The following TIMM21 variants were observed in gnomAD, a reference collection of about 807,000 sequenced individuals.
TIMM21 encodes translocase of inner mitochondrial membrane 21, also known as mitochondrial import inner membrane translocase subunit Tim21.
Under a neutral mutation model 27.7 loss-of-function variants are expected in TIMM21, and 30 were observed. The ratio of observed to expected loss-of-function variants is 1.08; its 90% CI spans 0.81 to 1.47. TIMM21 has a LOEUF of 1.47. TIMM21 is among the 40% of genes most tolerant of loss of function. The pLI is 0.00. For synonymous variants in TIMM21, 121 were observed against 114.4 expected, an observed-to-expected ratio of 1.06 and a Z score of -0.37; for missense variants, 292 against 302.9, an observed-to-expected ratio of 0.96 and a Z score of 0.27.
At chr18:74,155,778 C>T (rs1402771008) in intron 3 of TIMM21, among the ~76,000 whole-genome samples, 2 of 152,180 alleles carry the variant, frequency 1.3e-5, no homozygotes, top group African/African-American at 4.8e-5. Flanking sequence ...GCACTCTGCC[C>T]AGGGTCTCAG....
At chr18:74,153,692 T>C (rs1979871073) in intron 1 of TIMM21, among the ~76,000 whole-genome samples, 1 of 152,234 alleles carries the variant, frequency 6.6e-6, no homozygotes, top group South Asian at 2.1e-4. Flanking sequence ...GTTGGGAACC[T>C]TGCTGAAAAC....
chr18:74,148,995 A>G lies in TIMM21; in HGVS notation c.187A>G (p.Lys63Glu). Residue 63 changes from lysine (K) to glutamate (E), a missense_variant, in exon 1 of 6, where the codon AAA (lysine) becomes GAA (glutamate). Lys to Glu is a moderately conservative substitution (Grantham distance 56). Coordinates refer to ENST00000169551, the MANE Select transcript of TIMM21 (RefSeq NM_014177.3). The part of the protein sequence containing the change: ...RPRCILGVTQ[K>E]TIWTQGPSPR... Reference sequence around the variant, plus strand: ...TAGATGTATTCTTGGAGTCACCCAGAAAACCATCTGGACGCAGGGACCGAG... The same window carrying G: ...TAGATGTATTCTTGGAGTCACCCAGGAAACCATCTGGACGCAGGGACCGAG... The G allele has an allele frequency of 6.2e-7, 1 of 1,614,208 alleles. No individual in the cohort carries two copies. The highest frequency in any genetic ancestry group is 1.3e-5 in the African/African-American group (1 of 75,048).
Position 74,159,579 on chromosome 18 carries a change from C to T in TIMM21, c.*1099C>T, listed in dbSNP as rs1980049959. 6.6e-6 allele frequency: 1 copy of T among 151,992 alleles called. No individual in the cohort carries two copies. Among genetic ancestry groups the T allele is most frequent in the African/African-American group, 2.4e-5 (1 of 41,378 alleles). 9.4% of individuals were successfully genotyped at this position (151,992 alleles called of 1,614,324 possible). On this transcript the variant is annotated 3_prime_UTR_variant, in exon 6 of 6. Transcript: ENST00000169551. ...TCTATCTCCCCTTTTTACTTTATCTCCCTGCTTAATTTAGTTAGTTTCTTG... is the reference window on the plus strand; with the variant it reads ...TCTATCTCCCCTTTTTACTTTATCTTCCTGCTTAATTTAGTTAGTTTCTTG...
In TIMM21 at chr18:74,158,047, T is replaced by A. The variant is rs1413760260; in HGVS notation, c.496T>A (p.Tyr166Asn). 1.2e-6 allele frequency: 2 copies of A among 1,614,020 alleles called. No homozygotes were observed. The highest frequency in any genetic ancestry group is 2.7e-5 in the African/African-American group (2 of 74,912). Residue 166 changes from tyrosine to asparagine, a missense_variant, in exon 4 of 6, where the codon TAT (tyrosine) becomes AAT (asparagine). Physicochemically the swap from Tyr to Asn is moderately radical, Grantham distance 143 (BLOSUM62 -2). Coordinates refer to ENST00000169551, the MANE Select transcript of TIMM21 (RefSeq NM_014177.3). ...IGVFGESVKG[Y>N]GEVTRRGRRQ... The stretch of plus-strand genomic sequence containing the variant: ...TGTCTTTGGTGAGTCTGTTAAAGGC[T>A]ATGGGGAGGTGACAAGGCGGGGTCG...
chr18:74,158,404 G>T lies in TIMM21; in HGVS notation c.671G>T (p.Arg224Leu), dbSNP rs143295538. Residue 224 changes from arginine to leucine, a missense_variant, in exon 6 of 6, where the codon CGA (arginine) becomes CTA (leucine). Coordinates refer to ENST00000169551, the MANE Select transcript of TIMM21 (RefSeq NM_014177.3). ...ENPGSGEYDF[R>L]YIFVEIESYP... ...CCAGGAAGTGGTGAATATGATTTTCGATATATATTTGTAGAAATTGAATCT... is the reference window on the plus strand; with the variant it reads ...CCAGGAAGTGGTGAATATGATTTTCTATATATATTTGTAGAAATTGAATCT... The T allele has an allele frequency of 6.2e-7, 1 of 1,605,798 alleles. No individual in the cohort carries two copies.
chr18:74,154,994 G>T, intron 1 of TIMM21, 151 bp from the exon 2 acceptor site: 1 of 678,610 alleles, frequency 1.5e-6, no homozygotes. Context: ...CTGACACACA[G>T]GGAGTTTTCA....
intron 1 of TIMM21, among the ~76,000 whole-genome samples, chr18:74,153,378 T>G (rs1979863411): frequency 6.6e-6 from 1 of 152,192 alleles, no homozygotes; most frequent in African/African-American, 2.4e-5. Context: ...GAAGGGACAG[T>G]CAGAAGTCCA....
At chr18:74,150,552 C>T (rs1979773286) in intron 1 of TIMM21, among the ~76,000 whole-genome samples, 2 of 152,334 alleles carry the variant, frequency 1.3e-5, no homozygotes, top group South Asian at 4.1e-4. Flanking sequence ...GGATCATAAA[C>T]ATACACTGTT....
Position 74,149,070 on chromosome 18 carries a change from A to C in TIMM21, c.262A>C (p.Ser88Arg). ...CAGCAAACAAGTGTCTGTGCACAGG[A>C]GTCAGAGAGGGGGAACCGCCGTCCC... Reference protein sequence around the residue: ...DGSKQVSVHRSQRGGTAVPTS... With the variant: ...DGSKQVSVHRRQRGGTAVPTS... Residue 88 changes from serine to arginine, a missense_variant, in exon 1 of 6, where the codon AGT (serine) becomes CGT (arginine). Physicochemically the swap from Ser to Arg is moderately radical, Grantham distance 110. Coordinates refer to ENST00000169551, the MANE Select transcript of TIMM21 (RefSeq NM_014177.3). The C allele has an allele frequency of 6.2e-7, 1 of 1,612,292 alleles. No individual in the cohort carries two copies. Among genetic ancestry groups the C allele is most frequent in the Non-Finnish European group, 8.5e-7 (1 of 1,178,662 alleles).
intron 1 of TIMM21, among the ~76,000 whole-genome samples, chr18:74,151,937 T>TCTCCCCCCC (rs1555682293): frequency 2.1e-5 from 2 of 94,276 alleles, no homozygotes; most frequent in African/African-American, 1.2e-4. Context: ...GTGTCTATGT[T>TCTCCCCCCC]CCCCCCCCCC....
At chr18:74,156,229 A>G (rs1599210409) in intron 3 of TIMM21, 1 of 398,590 alleles carries the variant, frequency 2.5e-6, no homozygotes, top group East Asian at 3.6e-5. Flanking sequence ...TATCATCATA[A>G]ATATTAGGGC....
Position 74,158,255 on chromosome 18 carries a change from G to C in TIMM21, c.621G>C (p.Thr207=). 6.2e-7 allele frequency: 1 copy of C among 1,614,182 alleles called. No homozygotes were observed. The highest frequency in any genetic ancestry group is 1.1e-5 in the South Asian group (1 of 91,082). ...IEGSEPGKQG[T]VYAQVKENPG... ...GCTCTGAGCCAGGGAAGCAAGGAACGGTGTATGCGCAAGTGAAAGAGGTGT... is the reference window on the plus strand; with the variant it reads ...GCTCTGAGCCAGGGAAGCAAGGAACCGTGTATGCGCAAGTGAAAGAGGTGT... Residue 207 remains threonine, a synonymous_variant, in exon 5 of 6, where the codon ACG becomes ACC. Transcript: ENST00000169551.
rs1979925380 is a variant in TIMM21 at position 74,155,402 on chromosome 18, A to G, written c.461A>G (p.Glu154Gly). The change falls in exon 3 of 6, where the codon GAG becomes GGG. Residue 154 changes from glutamate (E) to glycine (G), a missense_variant and splice_region_variant. Transcript: ENST00000169551. ...TTAGAAAAATGCAGATCACATCCTG[A>G]GGTTAGTTCTCAAGATTGAGTTACA... is the stretch of plus-strand genomic sequence containing the variant. ...RALEKCRSHP[E>G]VIGVFGESVK... 2.5e-6 allele frequency: 4 copies of G among 1,607,060 alleles called. No individual in the cohort carries two copies. The highest frequency in any genetic ancestry group is 3.4e-6 in the Non-Finnish European group (4 of 1,177,818).
rs867639551 is a variant in TIMM21 at position 74,149,124 on chromosome 18, T to G, written c.301+15T>G. 3 of 1,597,784 alleles carry G rather than the reference T, an allele frequency of 1.9e-6. No individual in the cohort carries two copies. Among genetic ancestry groups the G allele is most frequent in the African/African-American group, 2.7e-5 (2 of 74,500 alleles). ...ATCACAAAAAGGTAAAAAGGAGTAC[T>G]TTAATGATTGGGCTTTCAACAGACA... On this transcript the variant is annotated intron_variant, in intron 1 of 5. Coordinates refer to ENST00000169551, the MANE Select transcript of TIMM21 (RefSeq NM_014177.3).
rs569672012 is a variant in TIMM21, at chr18:74,155,102, T to C, written c.302-43T>C. ...AAAAGCAGCAGACAAGCTTGCCTGCTCCCAGCCGGCACCCGTAACCCATTG... is the reference window on the plus strand; with the variant it reads ...AAAAGCAGCAGACAAGCTTGCCTGCCCCCAGCCGGCACCCGTAACCCATTG... On this transcript the variant is annotated intron_variant, in intron 1 of 5. Coordinates refer to ENST00000169551, the MANE Select transcript of TIMM21 (RefSeq NM_014177.3). The C allele has an allele frequency of 2.2e-5, 35 of 1,602,534 alleles. No individual in the cohort carries two copies. The South Asian group carries it at 3.8e-4, about 17-fold the overall frequency.
chr18:74,156,715 T>G (rs539742932), intron 3 of TIMM21: 1 of 156,000 alleles, frequency 6.4e-6, no homozygotes, highest in South Asian at 2.1e-4. Context: ...CTTTCGTAGA[T>G]TTTTCAGCAT....
chr18:74,155,089 C>T, intron 1 of TIMM21, 56 bp from the exon 2 acceptor site: 3 of 1,571,914 alleles, frequency 1.9e-6, no homozygotes, highest in Non-Finnish European at 2.6e-6. Context: ...AAGCAGCAGA[C>T]AAGCTTGCCT....
chr18:74,157,927 T>A, intron 3 of TIMM21, 87 bp from the exon 4 acceptor site: 3 of 1,444,810 alleles, frequency 2.1e-6, no homozygotes, highest in Non-Finnish European at 2.9e-6. Context: ...TGATTTTTTT[T>A]TCCTAAAATC....
At chr18:74,154,661 G>A (rs147858332) in intron 1 of TIMM21, among the ~76,000 whole-genome samples, 3 of 152,296 alleles carry the variant, frequency 2.0e-5, no homozygotes, top group African/African-American at 7.2e-5. Flanking sequence ...TCTGGTCTGT[G>A]CATTTTCTTC....
Sources: gnomAD v4.1 joint callset for allele counts (sites outside exome capture counted in the v4.1 genomes callset) on GRCh38, gnomAD v4.1.1 for gene constraint, MANE v1.5 for transcripts, NCBI Gene and HGNC (gene_info 2026-07-23, HGNC 2026-07-21) for gene names.